CEP152: variants seen among roughly 807,000 people sequenced by gnomAD.
CEP152 encodes centrosomal protein 152, also known as centrosomal protein of 152 kDa.
CEP152 carries 132 observed loss-of-function variants against 188.9 expected under a neutral mutation model. The ratio of observed to expected loss-of-function variants is 0.70; its 90% CI spans 0.61 to 0.81. The LOEUF (loss-of-function observed/expected upper bound fraction) is 0.81, where lower values mean the gene tolerates loss of function less well. CEP152 is among the 30% of genes least tolerant of loss of function. The pLI, the probability that CEP152 is intolerant of heterozygous loss-of-function variation, is 0.00. For synonymous variants in CEP152, 649 were observed against 666.6 expected, an observed-to-expected ratio of 0.97 and a Z score of 0.41; for missense variants, 1,914 against 1,969.8, an observed-to-expected ratio of 0.97 and a Z score of 0.54.
chr15:48,749,852 A>G (rs1048298634), intron 21 of CEP152, among the ~76,000 whole-genome samples: 1 of 152,064 alleles, frequency 6.6e-6, no homozygotes, highest in African/African-American at 2.4e-5. Context: ...AAAAAATGCT[A>G]TAAGACATTA....
intron 26 of CEP152, chr15:48,741,339 A>C (rs1892958469): frequency 8.0e-7 from 1 of 1,253,028 alleles, no homozygotes; most frequent in African/African-American, 1.5e-5. Context: ...TCTTTTTCTC[A>C]TTCTTTATTT....
chr15:48,750,879 G>C (rs1893821298), intron 21 of CEP152, among the ~76,000 whole-genome samples: 1 of 152,082 alleles, frequency 6.6e-6, no homozygotes, highest in Admixed American at 6.6e-5. Context: ...GCTCAGACTG[G>C]GGAGAGGTTG....
intron 23 of CEP152, 26 bp from the exon 24 acceptor site, chr15:48,744,369 A>G: frequency 6.2e-7 from 1 of 1,613,866 alleles, no homozygotes; most frequent in Non-Finnish European, 8.5e-7. Context: ...AAGATTACAA[A>G]AACAGAAATG....
intron 10 of CEP152, chr15:48,783,332 A>G (rs1437759605): frequency 6.6e-6 from 1 of 152,202 alleles, no homozygotes; most frequent in Non-Finnish European, 1.5e-5. Context: ...AGAAATCTGA[A>G]GCATGACAAA....
chr15:48,774,086 A>C (rs1895733217), intron 12 of CEP152, among the ~76,000 whole-genome samples: 2 of 152,134 alleles, frequency 1.3e-5, no homozygotes, highest in African/African-American at 4.8e-5. Flanking sequence ...CTTATAGAAA[A>C]AATTATAATA....
At chr15:48,735,381 T>C (rs375819080), downstream of CEP152, among the ~76,000 whole-genome samples, 3 of 152,154 alleles carry the variant, frequency 2.0e-5, no homozygotes, top group Non-Finnish European at 4.4e-5. Flanking sequence ...AATTCAGAGC[T>C]TTATACATCT....
chr15:48,739,004 C>T lies in CEP152; in HGVS notation c.4378G>A (p.Val1460Ile). 2 of 1,611,758 alleles carry T rather than the reference C, an allele frequency of 1.2e-6. No individual in the cohort carries two copies. Among genetic ancestry groups the T allele is most frequent in the Non-Finnish European group, 1.7e-6 (2 of 1,179,998 alleles). Reference sequence around the variant, plus strand: ...TCACAAGGAACAAACTCAGGAGAAACATTCCTTGGCAAACTGTTTAGGTGC... The same window carrying T: ...TCACAAGGAACAAACTCAGGAGAAATATTCCTTGGCAAACTGTTTAGGTGC... ...CKHLNSLPRN[V>I]SPEFVPCEGE... The change falls in exon 27 of 27, where the codon GTT becomes ATT. Residue 1460 changes from valine (V) to isoleucine (I), a missense_variant. Coordinates refer to ENST00000380950, the MANE Select transcript of CEP152 (RefSeq NM_001194998.2).
rs748737884 is a variant in CEP152 at position 48,739,282 on chromosome 15, G to T, written c.4100C>A (p.Pro1367His). The change falls in exon 27 of 27, where the codon CCC becomes CAC. Residue 1367 changes from proline (P) to histidine (H), a missense_variant. Transcript: ENST00000380950. ...TGCAATCAGCATCTCTGAAGTTAGG[G>T]GCAGTGCTATTATGTGCAAGGAAAC... Reference protein sequence around the residue: ...SQSKTTQSALPLTSEMLIAVK... With the variant: ...SQSKTTQSALHLTSEMLIAVK... 3 of 1,612,496 alleles carry T rather than the reference G, an allele frequency of 1.9e-6. No individual in the cohort carries two copies. In the South Asian group the frequency reaches 3.3e-5, roughly 18 times the overall value.
intron 20 of CEP152, among the ~76,000 whole-genome samples, chr15:48,753,464 G>C (rs1894030597): frequency 6.6e-6 from 1 of 152,202 alleles, no homozygotes; most frequent in African/African-American, 2.4e-5. Context: ...TAGAAGCCTT[G>C]ATTTTGATTA....
chr15:48,777,297 T>C (rs915503867), intron 12 of CEP152, among the ~76,000 whole-genome samples: 1 of 152,092 alleles, frequency 6.6e-6, no homozygotes, highest in Non-Finnish European at 1.5e-5. Context: ...GAAAAATGGG[T>C]GCAGCATATC....
rs1337756630 is a variant in CEP152 at position 48,769,019 on chromosome 15, A to G, written c.1845T>C (p.Asp615=). Residue 615 remains aspartate, a synonymous_variant, in exon 14 of 27, where the codon GAT becomes GAC. Transcript: ENST00000380950. ...GCAGCAGAATATCATCTCTGACAAC[A>G]TCAGAAGTAGAAGACTCAGGCCATA... ...NQLWPESSTS[D]VVRDDILLLK... 2 of 1,596,994 alleles carry G rather than the reference A, an allele frequency of 1.3e-6. No individual in the cohort carries two copies. The highest frequency in any genetic ancestry group is 1.7e-6 in the Non-Finnish European group (2 of 1,165,274).
chr15:48,803,993 C>A (rs944003220), intron 2 of CEP152, among the ~76,000 whole-genome samples: 3 of 152,236 alleles, frequency 2.0e-5, no homozygotes, highest in Non-Finnish European at 4.4e-5. Flanking sequence ...AGGGGCCCTG[C>A]CAAAATCCGG....
chr15:48,767,231 C>T (rs374569215), intron 16 of CEP152, 39 bp from the exon 17 acceptor site: 9 of 1,613,642 alleles, frequency 5.6e-6, no homozygotes, highest in Non-Finnish European at 7.6e-6. Flanking sequence ...GATTTAACCA[C>T]AAAAAAATAC....
Position 48,744,231 on chromosome 15 carries a change from T to A in CEP152, c.3835+9A>T. The A allele has an allele frequency of 6.2e-7, 1 of 1,613,864 alleles. No homozygotes were observed. The highest frequency in any genetic ancestry group is 1.1e-5 in the South Asian group (1 of 91,050). ...AAGCCATCCTTAAAATCTTCAGAAT[T>A]AAACTTACATTTAATTTTTTTTACA... On this transcript the variant is annotated intron_variant, in intron 24 of 26. Coordinates refer to ENST00000380950, the MANE Select transcript of CEP152 (RefSeq NM_001194998.2).
chr15:48,783,917 CTT>C, intron 10 of CEP152, 54 bp downstream of exon 10: 1 of 1,594,430 alleles, frequency 6.3e-7, no homozygotes, highest in African/African-American at 1.3e-5. Context: ...CTACTACATT[CTT>C]TCTGCATATT....
chr15:48,769,383 C>T (rs1433771215), intron 13 of CEP152, among the ~76,000 whole-genome samples: 2 of 152,200 alleles, frequency 1.3e-5, no homozygotes, highest in Non-Finnish European at 2.9e-5. Context: ...TTTCATTAGT[C>T]TCCTCCAATC....
chr15:48,779,613 C>A lies in CEP152; in HGVS notation c.1577+1583G>T, dbSNP rs147615809. On this transcript the variant is annotated intron_variant, in intron 12 of 26. Transcript: ENST00000380950. ...AGTTTAACCTCCAAGGGATTTTAAG[C>A]TTGATAAGAAAACAGGCTCAGAAAA... Among the ~76,000 whole-genome samples, 672 of 152,244 alleles carry A rather than the reference C, an allele frequency of 4.4e-3. 1 individual carries two copies. The highest frequency in any genetic ancestry group is 0.015 in the African/African-American group (642 of 41,554).
At chr15:48,793,197 T>C in intron 7 of CEP152, 124 bp downstream of exon 7, 1 of 1,099,090 alleles carries the variant, frequency 9.1e-7, no homozygotes, top group Non-Finnish European at 1.4e-6. Flanking sequence ...TTGCTATGCC[T>C]CACTCACTAT....
chr15:48,766,593 G>A (rs1895116913), intron 17 of CEP152, among the ~76,000 whole-genome samples: 2 of 152,080 alleles, frequency 1.3e-5, no homozygotes, highest in Non-Finnish European at 2.9e-5. Flanking sequence ...CCTATCACGA[G>A]ACCAACATTC....
Sources: gnomAD v4.1 joint callset for allele counts (sites outside exome capture counted in the v4.1 genomes callset) on GRCh38, gnomAD v4.1.1 for gene constraint, MANE v1.5 for transcripts, NCBI Gene and HGNC (gene_info 2026-07-23, HGNC 2026-07-21) for gene names.